The following GRIN2A variants were observed in gnomAD, a reference collection of about 807,000 sequenced individuals.
GRIN2A encodes glutamate ionotropic receptor NMDA type subunit 2A.
Under a neutral mutation model 113.4 loss-of-function variants are expected in GRIN2A, and 22 were observed. The ratio of observed to expected loss-of-function variants is 0.19; its 90% confidence interval spans 0.14 to 0.28. The LOEUF is 0.28. GRIN2A is among the 10% of genes least tolerant of loss of function. The probability of loss-of-function intolerance (pLI) is 1.00; values close to 1 mark genes in which losing one functional copy is unlikely to be tolerated. For missense variants in GRIN2A, 1,502 were observed against 1,887.0 expected (o/e 0.80, Z 3.78); for synonymous variants, 827 against 738.4 (o/e 1.12, Z -1.94).
chr16:9,953,889 G>C (rs963423705), intron 2 of GRIN2A, among the ~76,000 whole-genome samples: 5 of 152,158 alleles, frequency 3.3e-5, no homozygotes, highest in Admixed American at 1.3e-4. Context: ...AGGAGTGAAG[G>C]AGGCAGAAGT....
chr16:9,828,198 T>C (rs572706975), intron 9 of GRIN2A, among the ~76,000 whole-genome samples: 1 of 152,230 alleles, frequency 6.6e-6, no homozygotes, highest in South Asian at 2.1e-4. Flanking sequence ...GTGACAGGGA[T>C]GGAGCAAGAG....
intron 2 of GRIN2A, among the ~76,000 whole-genome samples, chr16:10,025,605 C>T (rs2046805477): frequency 6.6e-6 from 1 of 152,090 alleles, no homozygotes; most frequent in Admixed American, 6.6e-5. Context: ...CCTGACACAG[C>T]AGAACCTTTG....
At chr16:10,085,644 G>C (rs2048072458) in intron 2 of GRIN2A, among the ~76,000 whole-genome samples, 2 of 152,286 alleles carry the variant, frequency 1.3e-5, no homozygotes, top group South Asian at 4.2e-4. Context: ...GAGTCAGGTG[G>C]TTGGTTGGAA....
chr16:9,813,497 TTC>T (rs1178867891), intron 10 of GRIN2A, among the ~76,000 whole-genome samples: 1 of 147,924 alleles, frequency 6.8e-6, no homozygotes. Flanking sequence ...TTTGATATAT[TTC>T]TTTTTAGTCT....
At chr16:9,814,040 C>G (rs1197648237) in intron 10 of GRIN2A, among the ~76,000 whole-genome samples, 1 of 152,108 alleles carries the variant, frequency 6.6e-6, no homozygotes, top group African/African-American at 2.4e-5. Flanking sequence ...CAGTGACAAC[C>G]CTTATACTCT....
intron 3 of GRIN2A, among the ~76,000 whole-genome samples, chr16:9,912,221 T>C (rs553242064): frequency 6.6e-6 from 1 of 152,204 alleles, no homozygotes; most frequent in East Asian, 1.9e-4. Flanking sequence ...ATGATGATGA[T>C]GGCAATGATG....
At chr16:10,168,968 A>G (rs2142350488) in intron 2 of GRIN2A, among the ~76,000 whole-genome samples, 1 of 92,928 alleles carries the variant, frequency 1.1e-5, no homozygotes, top group South Asian at 3.4e-4. Flanking sequence ...TCTGTCTCAA[A>G]TAATAACAAT....
At chr16:10,100,708 T>C (rs9921074) in intron 2 of GRIN2A, among the ~76,000 whole-genome samples, 61,611 of 152,078 alleles carry the variant, frequency 0.41, 12,650 homozygotes, top group East Asian at 0.46. Context: ...TTTGAAGGCA[T>C]AGTGCCCCCC....
chr16:10,074,689 T>C (rs746685529), intron 2 of GRIN2A, among the ~76,000 whole-genome samples: 2 of 152,114 alleles, frequency 1.3e-5, no homozygotes, highest in African/African-American at 2.4e-5. Flanking sequence ...GGCAAATCCA[T>C]AGAGACAAAA....
rs71402435 is a variant in GRIN2A, at chr16:10,132,340, C to CAA, written c.414+47656_414+47657dup. ...GAATGAGCAGAACAAGACACCGTCTCAAAAAAAAAAAAAAAAAAGATGTGA... is the reference window on the plus strand; with the variant it reads ...GAATGAGCAGAACAAGACACCGTCTCAAAAAAAAAAAAAAAAAAAAGATGTGA... On this transcript the variant is annotated intron_variant, in intron 2 of 12. Transcript: ENST00000330684. Among the ~76,000 whole-genome samples, 214 of 61,620 alleles carry CAA rather than the reference C, an allele frequency of 3.5e-3. 8 individuals carry two copies. Among genetic ancestry groups the CAA allele is most frequent in the African/African-American group, 0.011 (188 of 16,840 alleles). The allele number at this position is 61,620 out of a possible 152,430, so 40.4% of individuals were successfully genotyped here. A position where few individuals can be genotyped will look rare whatever the true frequency, so the allele number is the denominator to read the frequency against.
intron 2 of GRIN2A, among the ~76,000 whole-genome samples, chr16:10,088,816 T>A (rs964976721): frequency 2.6e-5 from 4 of 152,180 alleles, no homozygotes; most frequent in African/African-American, 9.7e-5. Context: ...TTCCCATCCA[T>A]CTCGCAAGAA....
At chr16:9,795,826 T>A (rs1279024757) in intron 11 of GRIN2A, among the ~76,000 whole-genome samples, 1 of 152,214 alleles carries the variant, frequency 6.6e-6, no homozygotes. Context: ...AGTTCAGATG[T>A]GCACTAAATT....
intron 4 of GRIN2A, among the ~76,000 whole-genome samples, chr16:9,863,127 C>T (rs1009214787): frequency 2.6e-5 from 4 of 152,234 alleles, no homozygotes; most frequent in African/African-American, 9.6e-5. Flanking sequence ...GCTGTTACCA[C>T]TGCCTGATAT....
intron 2 of GRIN2A, among the ~76,000 whole-genome samples, chr16:10,072,581 C>A (rs954646126): frequency 6.6e-6 from 1 of 152,126 alleles, no homozygotes; most frequent in Non-Finnish European, 1.5e-5. Flanking sequence ...AGTTTGAGAA[C>A]CACTGGACTT....
chr16:9,763,536 G>A lies in GRIN2A; in HGVS notation c.4008C>T (p.Leu1336=), dbSNP rs139546520. 1 of 1,614,018 alleles carries A rather than the reference G, an allele frequency of 6.2e-7. No individual in the cohort carries two copies. The highest frequency in any genetic ancestry group is 1.1e-5 in the South Asian group (1 of 91,064). ...GSLFSVPSSK[L]SGKKSSLFPQ... is the part of the protein sequence containing the mutation. Reference sequence around the variant, plus strand: ...GGAAAAGGGAGCTTTTTTTCCCCGAGAGTTTGCTTGAGGGGACACTAAACA... The same window carrying A: ...GGAAAAGGGAGCTTTTTTTCCCCGAAAGTTTGCTTGAGGGGACACTAAACA... The change falls in exon 13 of 13, where the codon CTC becomes CTT. Residue 1336 remains leucine, a synonymous_variant. Transcript: ENST00000330684.
chr16:9,789,716 CTG>C (rs1902486195), intron 11 of GRIN2A, among the ~76,000 whole-genome samples: 2 of 152,304 alleles, frequency 1.3e-5, no homozygotes, highest in African/African-American at 2.4e-5. Context: ...TAAGTCAAAA[CTG>C]TGCAATTATC....
chr16:10,099,842 C>T (rs2048359757), intron 2 of GRIN2A, among the ~76,000 whole-genome samples: 1 of 152,194 alleles, frequency 6.6e-6, no homozygotes, highest in African/African-American at 2.4e-5. Flanking sequence ...GAAACGTCTG[C>T]TCATTCCGTG....
At chr16:9,801,740 A>T (rs1903374900) in intron 10 of GRIN2A, among the ~76,000 whole-genome samples, 2 of 152,220 alleles carry the variant, frequency 1.3e-5, no homozygotes, top group Admixed American at 1.3e-4. Flanking sequence ...GCAGTTACAC[A>T]TTGGCATGAC....
chr16:10,022,200 G>A lies in GRIN2A; in HGVS notation c.415-83649C>T, dbSNP rs539279074. ...CTTGATAAATATGTGTTGAATAAGT[G>A]AATACAAACTCCCTAGCAGAATAGA... On this transcript the variant is annotated intron_variant, in intron 2 of 12. Coordinates refer to ENST00000330684, the MANE Select transcript of GRIN2A (RefSeq NM_001134407.3). Among the ~76,000 whole-genome samples the A allele has an allele frequency of 2.0e-5, 3 of 152,056 alleles. No homozygotes were observed. The East Asian group carries it at 5.8e-4, about 29-fold the overall frequency.
Sources: gnomAD v4.1 joint callset for allele counts (sites outside exome capture counted in the v4.1 genomes callset) on GRCh38, gnomAD v4.1.1 for gene constraint, MANE v1.5 for transcripts, NCBI Gene and HGNC (gene_info 2026-07-23, HGNC 2026-07-21) for gene names.